Variants in NCOA2 observed in about 807,000 individuals in gnomAD.
NCOA2 encodes the protein class E basic helix-loop-helix protein 75.
Under a neutral mutation model 145.1 loss-of-function variants are expected in NCOA2, and 21 were observed. The observed-to-expected ratio is 0.14, with a 90% confidence interval of 0.10 to 0.21. The LOEUF (loss-of-function observed/expected upper bound fraction) is 0.21, where lower values mean the gene tolerates loss of function less well. Among genes scored for constraint, NCOA2 ranks in the 10% least tolerant of loss-of-function variants. The probability of loss-of-function intolerance (pLI) is 1.00; values close to 1 mark genes in which losing one functional copy is unlikely to be tolerated. For synonymous variants in NCOA2, 619 were observed against 637.5 expected (o/e 0.97, Z 0.44); for missense variants, 1,472 against 1,837.6 (o/e 0.80, Z 3.64).
At chr8:70,143,779 C>G (rs1426079634) in intron 13 of NCOA2, among the ~76,000 whole-genome samples, 2 of 152,242 alleles carry the variant, frequency 1.3e-5, no homozygotes, top group Non-Finnish European at 2.9e-5. Context: ...AAAACACCTA[C>G]CACTATAAGT....
intron 1 of NCOA2, among the ~76,000 whole-genome samples, chr8:70,349,342 A>G (rs1808963889): frequency 6.6e-6 from 1 of 152,214 alleles, no homozygotes; most frequent in Admixed American, 6.5e-5. Flanking sequence ...GTAATATTCT[A>G]GAGAAACAGA....
chr8:70,213,907 T>A lies in NCOA2; in HGVS notation c.255A>T (p.Glu85Asp), dbSNP rs575148443. 5 of 1,586,170 alleles carry A rather than the reference T, an allele frequency of 3.2e-6. No individual in the cohort carries two copies. Among genetic ancestry groups the A allele is most frequent in the Admixed American group, 3.7e-5 (2 of 53,834 alleles). Residue 85 changes from glutamate to aspartate, a missense_variant, in exon 4 of 23, where the codon GAA becomes GAT. This residue lies in a region of NCOA2 where 284 missense variants were observed against 467.8 expected (regional missense o/e 0.61). Transcript: ENST00000452400. ...ETVKQIRQIK[E>D]QEKAAAANID... Reference sequence around the variant, plus strand: ...ATACTAATTCAGTCCTCTTACCTTGTTCTTTGATCTGACGAATTTGCTTCA... The same window carrying A: ...ATACTAATTCAGTCCTCTTACCTTGATCTTTGATCTGACGAATTTGCTTCA...
chr8:70,390,624 G>A (rs943984080), intron 1 of NCOA2, among the ~76,000 whole-genome samples: 5 of 151,590 alleles, frequency 3.3e-5, no homozygotes, highest in Admixed American at 6.6e-5. Context: ...AAAATTAGTC[G>A]GACATAGTGG....
In NCOA2 at chr8:70,111,729, A is replaced by G. The variant is rs1806552051; in HGVS notation, c.*1903T>C. ...CTCTTCCTATATTTCCATAATGCGT[A>G]CATATAGAGAGAGATATAAGTATAA... On this transcript the variant is annotated 3_prime_UTR_variant, in exon 23 of 23. Coordinates refer to ENST00000452400, the MANE Select transcript of NCOA2 (RefSeq NM_006540.4). The G allele has an allele frequency of 4.6e-6, 1 of 217,600 alleles. No homozygotes were observed. The highest frequency in any genetic ancestry group is 9.2e-6 in the Non-Finnish European group (1 of 108,464). 13.5% of individuals were successfully genotyped at this position (217,600 alleles called of 1,614,324 possible). A position where few individuals can be genotyped will look rare whatever the true frequency, so the allele number is the denominator to read the frequency against.
At chr8:70,209,299 A>G (rs997767700) in intron 4 of NCOA2, among the ~76,000 whole-genome samples, 4 of 152,252 alleles carry the variant, frequency 2.6e-5, no homozygotes, top group Non-Finnish European at 5.9e-5. Flanking sequence ...GCGGATAAAC[A>G]AAGAAAATGG....
intron 1 of NCOA2, among the ~76,000 whole-genome samples, chr8:70,301,446 G>T (rs950877534): frequency 6.6e-6 from 1 of 151,694 alleles, no homozygotes; most frequent in Admixed American, 6.6e-5. Context: ...TTGAGCCCAG[G>T]AGTTCGAAAC....
intron 2 of NCOA2, among the ~76,000 whole-genome samples, chr8:70,269,200 C>A (rs568432050): frequency 6.6e-6 from 1 of 152,146 alleles, no homozygotes; most frequent in African/African-American, 2.4e-5. Context: ...GTTGGTTCAG[C>A]CTTTGACAAT....
intron 2 of NCOA2, among the ~76,000 whole-genome samples, chr8:70,229,558 G>A (rs1820955026): frequency 6.6e-6 from 1 of 152,138 alleles, no homozygotes; most frequent in African/African-American, 2.4e-5. Context: ...TTGTTGTGGG[G>A]AGCCTGCATG....
intron 1 of NCOA2, among the ~76,000 whole-genome samples, chr8:70,391,150 T>G (rs1336782428): frequency 1.3e-5 from 2 of 152,074 alleles, no homozygotes; most frequent in African/African-American, 4.8e-5. Context: ...AAACAGAAAC[T>G]TCCAAATTCA....
upstream of NCOA2, chr8:70,403,847 C>CCCT (rs528610374): frequency 0.043 from 16,025 of 376,358 alleles, 1,166 homozygotes; most frequent in African/African-American, 0.22. Flanking sequence ...TCCCCCAACT[C>CCCT]CCTCCTCCTC....
the NCOA2 span, among the ~76,000 whole-genome samples, chr8:70,441,663 G>C: frequency 0.013 from 1,907 of 148,774 alleles, 47 homozygotes; most frequent in African/African-American, 0.044. Flanking sequence ...ATTTAACAGG[G>C]TCATGGTCAC....
intron 20 of NCOA2, 106 bp downstream of exon 20, chr8:70,124,582 G>T: frequency 8.6e-7 from 1 of 1,166,928 alleles, no homozygotes; most frequent in Non-Finnish European, 1.2e-6. Flanking sequence ...TTATCACTAC[G>T]TTTGATAAAA....
the NCOA2 span, among the ~76,000 whole-genome samples, chr8:70,430,778 C>T: frequency 5.3e-5 from 8 of 152,152 alleles, no homozygotes; most frequent in Admixed American, 1.3e-4. Context: ...GAACTCTCAC[C>T]TGAGTAATGA....
At chr8:70,130,741 T>C (rs1230315704) in intron 16 of NCOA2, among the ~76,000 whole-genome samples, 2 of 152,226 alleles carry the variant, frequency 1.3e-5, no homozygotes, top group East Asian at 1.9e-4. Context: ...ACACATCATA[T>C]GGCCAAGAAG....
At chr8:70,244,839 CG>C (rs1171541758) in intron 2 of NCOA2, among the ~76,000 whole-genome samples, 8 of 151,976 alleles carry the variant, frequency 5.3e-5, no homozygotes, top group African/African-American at 1.9e-4. Context: ...ATAAGGACCA[CG>C]GAATCAATTT....
At chr8:70,371,149 C>A (rs1259874435) in intron 1 of NCOA2, among the ~76,000 whole-genome samples, 2 of 151,834 alleles carry the variant, frequency 1.3e-5, no homozygotes, top group Non-Finnish European at 2.9e-5. Flanking sequence ...ATCAGCCGGG[C>A]GTGGTGGCAG....
chr8:70,255,377 G>A (rs2958368), intron 2 of NCOA2, among the ~76,000 whole-genome samples: 136,294 of 152,324 alleles, frequency 0.89, 61,419 homozygotes, highest in African/African-American at 0.95. Context: ...AAAAGTATAG[G>A]TAATTTTATT....
intron 1 of NCOA2, among the ~76,000 whole-genome samples, chr8:70,349,467 A>G (rs938497947): frequency 2.0e-5 from 3 of 152,128 alleles, no homozygotes; most frequent in Non-Finnish European, 2.9e-5. Flanking sequence ...ACAAATAAAA[A>G]AAGCAAAACT....
chr8:70,290,964 G>A (rs1021135492), intron 2 of NCOA2, among the ~76,000 whole-genome samples: 3 of 152,210 alleles, frequency 2.0e-5, no homozygotes, highest in East Asian at 1.9e-4. Context: ...CAAAGTGAAA[G>A]TGAACAGCCT....
Sources: gnomAD v4.1 joint callset for allele counts (sites outside exome capture counted in the v4.1 genomes callset) on GRCh38, gnomAD v4.1.1 for gene constraint, gnomAD v4.1.1 regional missense constraint, MANE v1.5 for transcripts, NCBI Gene and HGNC (gene_info 2026-07-23, HGNC 2026-07-21) for gene names.